KCNN2: variants seen among roughly 807,000 people sequenced by gnomAD.
The protein encoded by KCNN2 is potassium calcium-activated channel subfamily N member 2.
Under a neutral mutation model 55.5 loss-of-function variants are expected in KCNN2, and 24 were observed. The ratio of observed to expected loss-of-function variants is 0.43; its 90% confidence interval spans 0.31 to 0.61. The LOEUF (loss-of-function observed/expected upper bound fraction) is 0.61. Ranked by LOEUF, KCNN2 falls within the 20% of genes least tolerant of loss-of-function variation. KCNN2 has a pLI of 0.08. For missense variants in KCNN2, 754 were observed against 853.6 expected, an observed-to-expected ratio of 0.88 and a Z score of 1.45; for synonymous variants, 431 against 336.1, an observed-to-expected ratio of 1.28 and a Z score of -3.09.
intron 2 of KCNN2, among the ~76,000 whole-genome samples, chr5:114,348,004 C>T (rs979969360): frequency 6.6e-6 from 1 of 152,166 alleles, no homozygotes; most frequent in African/African-American, 2.4e-5. Flanking sequence ...TTGCTAACTA[C>T]ACAGTGCCTG....
intron 1 of KCNN2, among the ~76,000 whole-genome samples, chr5:114,084,217 T>C (rs1392619453): frequency 6.6e-6 from 1 of 152,122 alleles, no homozygotes; most frequent in Non-Finnish European, 1.5e-5. Flanking sequence ...TACTGTATGG[T>C]ATAGCATGAC....
chr5:114,397,695 T>C (rs1758661834), intron 2 of KCNN2, among the ~76,000 whole-genome samples: 1 of 152,168 alleles, frequency 6.6e-6, no homozygotes, highest in African/African-American at 2.4e-5. Context: ...GCCACATCTA[T>C]TATTTTTTGA....
chr5:114,479,365 T>C (rs922617746), intron 5 of KCNN2, among the ~76,000 whole-genome samples: 5 of 152,112 alleles, frequency 3.3e-5, no homozygotes, highest in African/African-American at 1.2e-4. Context: ...GAGTTAACTA[T>C]TCTAAATATA....
At chr5:114,127,510 T>C (rs1258011527) in intron 1 of KCNN2, among the ~76,000 whole-genome samples, 3 of 152,184 alleles carry the variant, frequency 2.0e-5, no homozygotes, top group Non-Finnish European at 4.4e-5. Context: ...GTCGCTAGGC[T>C]GCACACAGCA....
chr5:114,314,141 C>T (rs577809949), intron 2 of KCNN2, among the ~76,000 whole-genome samples: 2 of 152,156 alleles, frequency 1.3e-5, no homozygotes, highest in South Asian at 4.2e-4. Flanking sequence ...GGAGCCGCCT[C>T]CTAACAACTT....
chr5:114,426,340 C>A (rs550544695), intron 3 of KCNN2, among the ~76,000 whole-genome samples: 2 of 152,176 alleles, frequency 1.3e-5, no homozygotes, highest in African/African-American at 2.4e-5. Flanking sequence ...TGTCATAAAT[C>A]CTACTTGGTC....
intron 2 of KCNN2, among the ~76,000 whole-genome samples, chr5:114,351,962 G>A (rs1211159992): frequency 6.6e-6 from 1 of 151,576 alleles, no homozygotes; most frequent in African/African-American, 2.4e-5. Flanking sequence ...GTTCGGAAGT[G>A]TTTTTCCTCC....
chr5:114,471,288 T>A (rs980497936), intron 4 of KCNN2, among the ~76,000 whole-genome samples: 2 of 150,782 alleles, frequency 1.3e-5, no homozygotes, highest in Non-Finnish European at 3.0e-5. Flanking sequence ...GTAACCTAGG[T>A]ACATCCTCCT....
intron 2 of KCNN2, among the ~76,000 whole-genome samples, chr5:114,390,505 T>C (rs953898924): frequency 2.6e-5 from 4 of 152,174 alleles, no homozygotes; most frequent in African/African-American, 7.2e-5. Flanking sequence ...TTTGACACAG[T>C]GCTGAAGTGA....
intron 2 of KCNN2, among the ~76,000 whole-genome samples, chr5:114,264,656 C>A (rs1251179753): frequency 6.6e-6 from 1 of 152,090 alleles, no homozygotes; most frequent in Non-Finnish European, 1.5e-5. Flanking sequence ...TAAGAGTTGC[C>A]AACTGCAAAG....
chr5:114,493,783 C>T (rs574407266), intron 7 of KCNN2, among the ~76,000 whole-genome samples: 1 of 152,206 alleles, frequency 6.6e-6, no homozygotes, highest in African/African-American at 2.4e-5. Flanking sequence ...ATGTAAATCT[C>T]ATCTCAATGA....
At chr5:114,386,923 T>C (rs1426580040) in intron 2 of KCNN2, among the ~76,000 whole-genome samples, 1 of 152,204 alleles carries the variant, frequency 6.6e-6, no homozygotes, top group African/African-American at 2.4e-5. Flanking sequence ...CTACTGTCCT[T>C]ACTTTCTTCA....
chr5:114,494,899 CAGA>C (rs2150144468), intron 7 of KCNN2, among the ~76,000 whole-genome samples: 1 of 152,158 alleles, frequency 6.6e-6, no homozygotes, highest in East Asian at 1.9e-4. Context: ...GATTGTTAAG[CAGA>C]AGAAGAGCAT....
intron 3 of KCNN2, among the ~76,000 whole-genome samples, chr5:114,448,735 T>G (rs1258816400): frequency 1.3e-5 from 2 of 152,224 alleles, no homozygotes; most frequent in Non-Finnish European, 2.9e-5. Context: ...GAAACATAGC[T>G]TGAAACTGTG....
At chr5:114,211,630 G>T (rs931465417) in intron 1 of KCNN2, among the ~76,000 whole-genome samples, 1 of 152,038 alleles carries the variant, frequency 6.6e-6, no homozygotes, top group Non-Finnish European at 1.5e-5. Context: ...CCTGGGTGAT[G>T]AAATAATCTA....
chr5:114,302,505 ATAGGTAT>A (rs1402745183), intron 2 of KCNN2, among the ~76,000 whole-genome samples: 1 of 152,188 alleles, frequency 6.6e-6, no homozygotes, highest in East Asian at 1.9e-4. Flanking sequence ...GAAGAAAATG[ATAGGTAT>A]TAGGGTTTTG....
At chr5:114,338,117 A>G (rs994652252) in intron 2 of KCNN2, among the ~76,000 whole-genome samples, 9 of 152,216 alleles carry the variant, frequency 5.9e-5, no homozygotes, top group African/African-American at 1.9e-4. Context: ...GCATTAAGCC[A>G]ACATTGTGCT....
At position 114,167,124 on chromosome 5, in the gene KCNN2, C is replaced by T. The variant is rs1465914906; in HGVS notation, c.-270-54356C>T. ...AGATCCTAAACAATAGCCAGTACCA[C>T]TCTCCAGATATGTGAGAGAGTGAAC... On this transcript the variant is annotated intron_variant, in intron 1 of 10. Coordinates refer to the KCNN2 transcript ENST00000512097. Among the ~76,000 whole-genome samples, 5 of 152,282 alleles carry T rather than the reference C, an allele frequency of 3.3e-5. No individual in the cohort carries two copies. The East Asian group carries it at 7.7e-4, about 24-fold the overall frequency.
intron 1 of KCNN2, among the ~76,000 whole-genome samples, chr5:114,159,899 T>G (rs1228610630): frequency 6.6e-6 from 1 of 152,200 alleles, no homozygotes; most frequent in East Asian, 1.9e-4. Flanking sequence ...TCTCTTTTCT[T>G]CTTTATTAGT....
Sources: allele counts gnomAD v4.1 joint callset (sites outside exome capture counted in the v4.1 genomes callset), GRCh38; gene constraint gnomAD v4.1.1; transcripts MANE v1.5; gene names NCBI Gene and HGNC (gene_info 2026-07-23, HGNC 2026-07-21).